DEPTOR: variants seen among roughly 807,000 people sequenced by gnomAD.
DEPTOR encodes the protein DEP domain containing MTOR interacting protein, also known as DEP domain-containing mTOR-interacting protein.
In DEPTOR, 41 loss-of-function variants were observed where a neutral mutation model predicts 41.6. The ratio of observed to expected loss-of-function variants is 0.98; its 90% CI spans 0.77 to 1.28. The LOEUF is 1.28. Among genes scored for constraint, DEPTOR ranks in the 50% most tolerant of loss-of-function variants. The pLI is 0.00. For missense variants in DEPTOR, 514 were observed against 527.9 expected, an observed-to-expected ratio of 0.97 and a Z score of 0.26; for synonymous variants, 195 against 192.3, an observed-to-expected ratio of 1.01 and a Z score of -0.12.
At chr8:120,044,367 T>C (rs1813125380) in intron 8 of DEPTOR, among the ~76,000 whole-genome samples, 2 of 152,166 alleles carry the variant, frequency 1.3e-5, no homozygotes, top group South Asian at 4.2e-4. Context: ...TCAGGTGATC[T>C]ACCAGCCTTG....
At chr8:119,997,412 T>G (rs1812283183) in intron 4 of DEPTOR, among the ~76,000 whole-genome samples, 1 of 152,164 alleles carries the variant, frequency 6.6e-6, no homozygotes, top group South Asian at 2.1e-4. Flanking sequence ...TATTTTAATT[T>G]CATTTTATTT....
At chr8:119,920,986 T>TG (rs544352246) in intron 1 of DEPTOR, among the ~76,000 whole-genome samples, 4 of 123,454 alleles carry the variant, frequency 3.2e-5, no homozygotes, top group Non-Finnish European at 6.6e-5. Context: ...TGAGGTTTTT[T>TG]TTTTTTTTGA....
At chr8:119,904,319 T>C (rs916258540) in intron 1 of DEPTOR, among the ~76,000 whole-genome samples, 1 of 151,392 alleles carries the variant, frequency 6.6e-6, no homozygotes, top group African/African-American at 2.4e-5. Context: ...GGGTTTCACC[T>C]TGTGGGTCAG....
intron 8 of DEPTOR, among the ~76,000 whole-genome samples, chr8:120,022,434 T>C (rs1446812045): frequency 6.6e-6 from 1 of 152,204 alleles, no homozygotes; most frequent in Non-Finnish European, 1.5e-5. Flanking sequence ...AATCCTGTGC[T>C]TCTCCTAAAT....
Position 120,049,836 on chromosome 8 carries a change from C to T in DEPTOR, c.*132C>T. On this transcript the variant is annotated 3_prime_UTR_variant, in exon 9 of 9. Coordinates refer to ENST00000286234, the MANE Select transcript of DEPTOR (RefSeq NM_022783.4). ...ACGAGTCTTCTCCGCACATACATGT[C>T]TAAAGTTGAGTTTTATACACTGAAT... 3 of 1,169,032 alleles carry T rather than the reference C, an allele frequency of 2.6e-6. No individual in the cohort carries two copies. Among genetic ancestry groups the T allele is most frequent in the Non-Finnish European group, 3.5e-6 (3 of 857,382 alleles). 72.4% of individuals were successfully genotyped at this position (1,169,032 alleles called of 1,614,324 possible). A position where few individuals can be genotyped will look rare whatever the true frequency, so the allele number is the denominator to read the frequency against.
At chr8:119,933,483 C>CACAT (rs1828072169) in intron 3 of DEPTOR, among the ~76,000 whole-genome samples, 1 of 148,750 alleles carries the variant, frequency 6.7e-6, no homozygotes, top group Non-Finnish European at 1.5e-5. Flanking sequence ...CACACACACA[C>CACAT]ACACACACAC....
At chr8:120,036,186 T>A (rs1224872947) in intron 8 of DEPTOR, among the ~76,000 whole-genome samples, 2 of 152,186 alleles carry the variant, frequency 1.3e-5, no homozygotes, top group Non-Finnish European at 2.9e-5. Context: ...CTTTGATTGA[T>A]TGGGGCTGAA....
At chr8:119,951,596 A>G (rs1343747304) in intron 3 of DEPTOR, among the ~76,000 whole-genome samples, 1 of 152,230 alleles carries the variant, frequency 6.6e-6, no homozygotes, top group Non-Finnish European at 1.5e-5. Flanking sequence ...TCTTTCTTTC[A>G]GCTAATTTGA....
intron 4 of DEPTOR, among the ~76,000 whole-genome samples, chr8:119,994,849 G>A (rs1309104048): frequency 2.0e-5 from 3 of 151,228 alleles, no homozygotes; most frequent in African/African-American, 7.3e-5. Flanking sequence ...CTCAGCGGGT[G>A]GAGGTTGCAG....
At chr8:120,044,644 G>C (rs1813129131) in intron 8 of DEPTOR, among the ~76,000 whole-genome samples, 1 of 152,188 alleles carries the variant, frequency 6.6e-6, no homozygotes, top group Non-Finnish European at 1.5e-5. Flanking sequence ...GAGGAAAGGT[G>C]ATACCTGAAA....
intron 6 of DEPTOR, among the ~76,000 whole-genome samples, chr8:120,004,926 C>T (rs763054797): frequency 1.3e-5 from 2 of 150,352 alleles, no homozygotes; most frequent in Non-Finnish European, 2.9e-5. Context: ...TTTTTTAGTA[C>T]TGTATATAAA....
intron 8 of DEPTOR, among the ~76,000 whole-genome samples, chr8:120,049,367 A>G (rs531388270): frequency 3.7e-4 from 55 of 149,794 alleles, no homozygotes; most frequent in African/African-American, 1.3e-3. Flanking sequence ...ATTTTGTAAA[A>G]CACTAAAACG....
intron 1 of DEPTOR, among the ~76,000 whole-genome samples, chr8:119,926,785 A>G (rs1424325226): frequency 6.6e-6 from 1 of 152,184 alleles, no homozygotes; most frequent in Non-Finnish European, 1.5e-5. Flanking sequence ...ATCCTATAGT[A>G]TGACTTGACT....
chr8:119,922,463 C>T (rs901717133), intron 1 of DEPTOR, among the ~76,000 whole-genome samples: 1 of 152,156 alleles, frequency 6.6e-6, no homozygotes, highest in African/African-American at 2.4e-5. Context: ...CATTCTGCCA[C>T]TCTGAGCATG....
At chr8:119,908,654 T>C (rs1293199586) in intron 1 of DEPTOR, among the ~76,000 whole-genome samples, 1 of 151,218 alleles carries the variant, frequency 6.6e-6, no homozygotes, top group Admixed American at 6.6e-5. Flanking sequence ...GCATGCGTCA[T>C]CCCGCCTGGC....
At position 120,006,522 on chromosome 8, in the gene DEPTOR, C is replaced by A. The variant is rs570612872; in HGVS notation, c.926-283C>A. On this transcript the variant is annotated intron_variant, in intron 6 of 8. Transcript: ENST00000286234. Reference sequence around the variant, plus strand: ...CTGGGTGACAAGGGCAAAACTCCGTCTTTAAAAAAAAAAAAAAATTGACCT... The same window carrying A: ...CTGGGTGACAAGGGCAAAACTCCGTATTTAAAAAAAAAAAAAAATTGACCT... Among the ~76,000 whole-genome samples the A allele has an allele frequency of 2.0e-3, 301 of 150,426 alleles. 7 individuals carry two copies. Among genetic ancestry groups the A allele is most frequent in the Middle Eastern group, 3.4e-3 (1 of 290 alleles).
intron 1 of DEPTOR, among the ~76,000 whole-genome samples, chr8:119,904,016 A>G (rs1320728997): frequency 6.6e-6 from 1 of 151,678 alleles, no homozygotes; most frequent in African/African-American, 2.4e-5. Context: ...GAGCCTGAAC[A>G]CTCTTCCCCA....
At chr8:119,990,056 A>G (rs1157240132) in intron 4 of DEPTOR, among the ~76,000 whole-genome samples, 2 of 152,256 alleles carry the variant, frequency 1.3e-5, no homozygotes, top group Non-Finnish European at 2.9e-5. Context: ...TTTCTGATAA[A>G]CAAGATTATC....
intron 4 of DEPTOR, among the ~76,000 whole-genome samples, chr8:119,994,996 TA>T (rs946818349): frequency 2.0e-5 from 3 of 146,806 alleles, no homozygotes; most frequent in Non-Finnish European, 4.5e-5. Context: ...AGTAGTAAAT[TA>T]AAAAAAAGAA....
Sources: gnomAD v4.1 joint callset for allele counts (sites outside exome capture counted in the v4.1 genomes callset) on GRCh38, gnomAD v4.1.1 for gene constraint, MANE v1.5 for transcripts, NCBI Gene and HGNC (gene_info 2026-07-23, HGNC 2026-07-21) for gene names.